Variants in GRID2 observed in about 807,000 individuals in gnomAD.
GRID2 encodes glutamate receptor ionotropic, delta-2.
A neutral mutation model predicts 114.8 loss-of-function variants in GRID2; 33 were observed. That is an observed-to-expected ratio of 0.29 (90% CI 0.22 to 0.38). The LOEUF (loss-of-function observed/expected upper bound fraction) is 0.38, where lower values mean the gene tolerates loss of function less well. Ranked by LOEUF, GRID2 falls within the 10% of genes least tolerant of loss-of-function variation. The probability of loss-of-function intolerance (pLI) is 1.00; values close to 1 mark genes in which losing one functional copy is unlikely to be tolerated. For synonymous variants in GRID2, 505 were observed against 449.9 expected, an observed-to-expected ratio of 1.12 and a Z score of -1.55; for missense variants, 1,184 against 1,257.7, an observed-to-expected ratio of 0.94 and a Z score of 0.89.
intron 14 of GRID2, among the ~76,000 whole-genome samples, chr4:93,674,420 T>G (rs1441788123): frequency 6.6e-6 from 1 of 152,206 alleles, no homozygotes; most frequent in Non-Finnish European, 1.5e-5. Context: ...ATTATTTTCT[T>G]TAAAATAAAT....
intron 2 of GRID2, among the ~76,000 whole-genome samples, chr4:92,724,674 A>G (rs1735981104): frequency 6.6e-6 from 1 of 152,186 alleles, no homozygotes; most frequent in South Asian, 2.1e-4. Context: ...CACCTTGAAC[A>G]AGTTACTTAA....
At chr4:92,918,173 A>T (rs929138587) in intron 2 of GRID2, among the ~76,000 whole-genome samples, 1 of 152,118 alleles carries the variant, frequency 6.6e-6, no homozygotes, top group Non-Finnish European at 1.5e-5. Flanking sequence ...GGTGTATAAG[A>T]ATGATTGTTA....
intron 1 of GRID2, among the ~76,000 whole-genome samples, chr4:92,334,331 C>G (rs1270123882): frequency 6.6e-6 from 1 of 152,182 alleles, no homozygotes; most frequent in Non-Finnish European, 1.5e-5. Flanking sequence ...CCATTTATAG[C>G]AATCTGTGCT....
Position 92,304,568 on chromosome 4 carries a change from C to A in GRID2, c.-89C>A. The A allele has an allele frequency of 1.2e-6, 1 of 839,534 alleles. No homozygotes were observed. The highest frequency in any genetic ancestry group is 2.0e-6 in the Non-Finnish European group (1 of 490,304). The allele number at this position is 839,534 out of a possible 1,614,324, so 52.0% of individuals were successfully genotyped here. ...GAAAAAAAGAAAAAGCTGCGCTAAA[C>A]TCCACCGTGACCTCAAACTCTTTGG... is the stretch of plus-strand genomic sequence containing the variant. On this transcript the variant is annotated 5_prime_UTR_variant, in exon 1 of 16. Transcript: ENST00000282020.
chr4:93,705,549 A>T (rs923320876), intron 14 of GRID2, among the ~76,000 whole-genome samples: 1 of 151,634 alleles, frequency 6.6e-6, no homozygotes, highest in African/African-American at 2.4e-5. Flanking sequence ...TTTCCTATAG[A>T]GTTGTTTGAG....
intron 1 of GRID2, among the ~76,000 whole-genome samples, chr4:92,355,880 CTATAGCCA>C (rs1728294265): frequency 6.6e-6 from 1 of 151,792 alleles, no homozygotes; most frequent in East Asian, 1.9e-4. Context: ...TCATTCAGCC[CTATAGCCA>C]TGCCAGACAG....
chr4:92,381,494 T>C (rs1404165213), intron 1 of GRID2, among the ~76,000 whole-genome samples: 1 of 142,178 alleles, frequency 7.0e-6, no homozygotes, highest in Non-Finnish European at 1.5e-5. Context: ...TCTATGGTAA[T>C]ATAAAAGAAG....
intron 11 of GRID2, among the ~76,000 whole-genome samples, chr4:93,464,025 C>A (rs950050434): frequency 7.9e-5 from 12 of 152,112 alleles, no homozygotes; most frequent in African/African-American, 2.9e-4. Flanking sequence ...GCTATAGATT[C>A]TTTAAAATAG....
At chr4:93,370,388 C>A (rs906175186) in intron 8 of GRID2, among the ~76,000 whole-genome samples, 1 of 147,082 alleles carries the variant, frequency 6.8e-6, no homozygotes, top group South Asian at 2.1e-4. Context: ...TACACACACA[C>A]AAACACACAC....
At chr4:92,975,092 G>T (rs1302931036) in intron 2 of GRID2, among the ~76,000 whole-genome samples, 1 of 136,580 alleles carries the variant, frequency 7.3e-6, no homozygotes, top group Non-Finnish European at 1.5e-5. Flanking sequence ...GGGGTGTGGA[G>T]CTTGCAGTGA....
At chr4:93,737,060 C>T (rs956173638) in intron 14 of GRID2, among the ~76,000 whole-genome samples, 1 of 151,992 alleles carries the variant, frequency 6.6e-6, no homozygotes, top group African/African-American at 2.4e-5. Context: ...CTTAATCTCT[C>T]AGCAGCTAAT....
intron 11 of GRID2, among the ~76,000 whole-genome samples, chr4:93,486,462 C>A (rs72886248): frequency 6.6e-6 from 1 of 151,402 alleles, no homozygotes; most frequent in South Asian, 2.1e-4. Flanking sequence ...ATGTATGATA[C>A]TTGATATAGA....
intron 2 of GRID2, among the ~76,000 whole-genome samples, chr4:92,845,670 A>G (rs1172646377): frequency 6.6e-6 from 1 of 152,074 alleles, no homozygotes; most frequent in African/African-American, 2.4e-5. Context: ...CAGCAACCAC[A>G]CAATTGAGAA....
At chr4:93,111,098 A>T (rs1367637778) in intron 4 of GRID2, 145 bp downstream of exon 4, 1 of 621,854 alleles carries the variant, frequency 1.6e-6, no homozygotes, top group Admixed American at 2.8e-5. Flanking sequence ...TAGCATAGTG[A>T]ATGCCTCACT....
rs891760039 is a variant in GRID2 at position 93,082,658 on chromosome 4, C to G, written c.245-2337C>G. Among the ~76,000 whole-genome samples, 10 of 152,252 alleles carry G rather than the reference C, an allele frequency of 6.6e-5. No homozygotes were observed. The East Asian group carries it at 1.9e-3, about 29-fold the overall frequency. ...ACGATCTCTAAATTATCTTTTAGGCCTGACATTATATGCTTTCTGGCTGCA... is the reference window on the plus strand; with the variant it reads ...ACGATCTCTAAATTATCTTTTAGGCGTGACATTATATGCTTTCTGGCTGCA... On this transcript the variant is annotated intron_variant, in intron 2 of 15. Transcript: ENST00000282020.
intron 1 of GRID2, among the ~76,000 whole-genome samples, chr4:92,548,595 T>C (rs1232957508): frequency 2.0e-5 from 3 of 151,552 alleles, no homozygotes; most frequent in African/African-American, 7.3e-5. Context: ...GTTTTCACCA[T>C]GTTGGCCAGG....
chr4:93,263,644 G>T (rs1400541334), intron 8 of GRID2, among the ~76,000 whole-genome samples: 2 of 151,874 alleles, frequency 1.3e-5, no homozygotes, highest in African/African-American at 4.8e-5. Flanking sequence ...AGTTCATTTG[G>T]CTTATAATTA....
intron 10 of GRID2, among the ~76,000 whole-genome samples, chr4:93,446,669 C>T (rs1338962427): frequency 6.6e-6 from 1 of 151,952 alleles, no homozygotes; most frequent in Non-Finnish European, 1.5e-5. Context: ...TTGAAACAGA[C>T]TCCAGCAATT....
At position 93,654,650 on chromosome 4, in the gene GRID2, G is replaced by T. The variant is rs77097055; in HGVS notation, c.2360+28215G>T. Among the ~76,000 whole-genome samples the T allele has an allele frequency of 7.6e-3, 1,157 of 152,132 alleles. 20 individuals are homozygous for T. The highest frequency in any genetic ancestry group is 0.027 in the African/African-American group (1,108 of 41,498). On this transcript the variant is annotated intron_variant, in intron 14 of 15. Coordinates refer to ENST00000282020, the MANE Select transcript of GRID2 (RefSeq NM_001510.4). Reference sequence around the variant, plus strand: ...ACAAGAGAATAAAAATAGAATAAATGCATATAAATGGATGCTTTAAAAGGC... The same window carrying T: ...ACAAGAGAATAAAAATAGAATAAATTCATATAAATGGATGCTTTAAAAGGC...
Sources: gnomAD v4.1 joint callset for allele counts (sites outside exome capture counted in the v4.1 genomes callset) on GRCh38, gnomAD v4.1.1 for gene constraint, MANE v1.5 for transcripts, NCBI Gene and HGNC (gene_info 2026-07-23, HGNC 2026-07-21) for gene names.